The following NHSL1 variants were observed in gnomAD, a reference collection of about 807,000 sequenced individuals.
NHSL1 encodes the protein NHS like 1, also known as NHS-like protein 1.
In NHSL1, 48 loss-of-function variants were observed where a neutral mutation model predicts 95.0. That is an observed-to-expected ratio of 0.51 (90% CI 0.40 to 0.64). NHSL1 has a LOEUF of 0.64. NHSL1 is among the 30% of genes least tolerant of loss of function. The pLI is 0.00. For synonymous variants in NHSL1, 783 were observed against 833.9 expected (o/e 0.94, Z 1.05); for missense variants, 1,971 against 2,077.7 (o/e 0.95, Z 1.00).
intron 1 of NHSL1, among the ~76,000 whole-genome samples, chr6:138,497,770 G>A (rs544310890): frequency 7.9e-5 from 12 of 152,204 alleles, no homozygotes; most frequent in African/African-American, 1.9e-4. Flanking sequence ...ACATGCTAGC[G>A]CTCATCTCAC....
intron 4 of NHSL1, among the ~76,000 whole-genome samples, chr6:138,446,516 A>G (rs1306403340): frequency 1.3e-5 from 2 of 152,218 alleles, no homozygotes; most frequent in Admixed American, 6.5e-5. Context: ...CATATTCTGA[A>G]AATTTTATAT....
intron 3 of NHSL1, among the ~76,000 whole-genome samples, chr6:138,448,769 T>G (rs1345299625): frequency 6.6e-6 from 1 of 152,196 alleles, no homozygotes; most frequent in Non-Finnish European, 1.5e-5. Flanking sequence ...TTAGAAATTT[T>G]AGGCCAGGCA....
intron 1 of NHSL1, among the ~76,000 whole-genome samples, chr6:138,544,137 T>G (rs1782691289): frequency 6.6e-6 from 1 of 152,194 alleles, no homozygotes; most frequent in Non-Finnish European, 1.5e-5. Flanking sequence ...ATTGTAAACC[T>G]TAAGCTATCA....
At chr6:138,457,223 T>C (rs6926204) in intron 3 of NHSL1, among the ~76,000 whole-genome samples, 20,693 of 152,232 alleles carry the variant, frequency 0.14, 1,436 homozygotes, top group Middle Eastern at 0.17. Context: ...CAGTATTTTT[T>C]TCAATGCATC....
At chr6:138,445,737 A>G (rs1179658762) in intron 4 of NHSL1, among the ~76,000 whole-genome samples, 1 of 152,238 alleles carries the variant, frequency 6.6e-6, no homozygotes, top group East Asian at 1.9e-4. Context: ...GCTTTCTAAC[A>G]GCAGTAGCCT....
chr6:138,560,154 T>C (rs569351178), intron 1 of NHSL1, among the ~76,000 whole-genome samples: 5 of 152,340 alleles, frequency 3.3e-5, no homozygotes, highest in African/African-American at 1.2e-4. Context: ...CCTTTATTAT[T>C]AGTTGGAGTT....
intron 1 of NHSL1, among the ~76,000 whole-genome samples, chr6:138,543,430 TG>T (rs1277722524): frequency 6.6e-6 from 1 of 152,140 alleles, no homozygotes; most frequent in African/African-American, 2.4e-5. Flanking sequence ...GACAAAAAGC[TG>T]AGCAGACCTG....
upstream of NHSL1, among the ~76,000 whole-genome samples, chr6:138,573,631 T>TAA (rs1310999011): frequency 6.6e-6 from 1 of 152,200 alleles, no homozygotes; most frequent in Non-Finnish European, 1.5e-5. Context: ...TTACACCATG[T>TAA]AAATAATGAC....
At chr6:138,562,394 C>G (rs926197182) in intron 1 of NHSL1, among the ~76,000 whole-genome samples, 4 of 152,126 alleles carry the variant, frequency 2.6e-5, no homozygotes, top group Admixed American at 1.3e-4. Context: ...TGCCTGTAAT[C>G]CCAGCACTTT....
intron 1 of NHSL1, among the ~76,000 whole-genome samples, chr6:138,554,621 G>A (rs1783129751): frequency 6.6e-6 from 1 of 152,164 alleles, no homozygotes; most frequent in East Asian, 1.9e-4. Flanking sequence ...TAAATGTCCA[G>A]GCTTCTGGTA....
intron 3 of NHSL1, among the ~76,000 whole-genome samples, chr6:138,471,607 G>A (rs1011663783): frequency 6.6e-6 from 1 of 152,032 alleles, no homozygotes; most frequent in Non-Finnish European, 1.5e-5. Flanking sequence ...TGGGTGGGGA[G>A]GTAAGGAATA....
chr6:138,577,473 C>A, upstream of NHSL1, among the ~76,000 whole-genome samples: 1 of 152,190 alleles, frequency 6.6e-6, no homozygotes. Flanking sequence ...ATTGCAAGCG[C>A]CGCTGGGGTT....
chr6:138,500,017 T>C (rs1177610014), upstream of NHSL1, among the ~76,000 whole-genome samples: 2 of 152,076 alleles, frequency 1.3e-5, no homozygotes, highest in African/African-American at 4.8e-5. Flanking sequence ...TTGCCAGTGA[T>C]TGAGAATCAG....
intron 1 of NHSL1, among the ~76,000 whole-genome samples, chr6:138,580,629 A>AGAACTGGCTCCCATAGTCAGTAC (rs1784039108): frequency 6.6e-6 from 1 of 152,240 alleles, no homozygotes; most frequent in African/African-American, 2.4e-5. Flanking sequence ...CTTGAAATTA[A>AGAACTGGCTCCCATAGTCAGTAC]GAACTGGCTC....
chr6:138,436,291 T>G (rs182008746), intron 5 of NHSL1, among the ~76,000 whole-genome samples: 61 of 152,268 alleles, frequency 4.0e-4, no homozygotes, highest in Admixed American at 1.8e-3. Flanking sequence ...TTGAAGGAAA[T>G]GAAAAGTGCT....
intron 1 of NHSL1, among the ~76,000 whole-genome samples, chr6:138,520,241 C>T (rs1781621519): frequency 6.6e-6 from 1 of 151,336 alleles, no homozygotes; most frequent in African/African-American, 2.4e-5. Context: ...ACACAGTTCT[C>T]CCAACACTGA....
intron 1 of NHSL1, among the ~76,000 whole-genome samples, chr6:138,538,890 G>A (rs1027901944): frequency 6.6e-6 from 1 of 152,106 alleles, no homozygotes; most frequent in African/African-American, 2.4e-5. Flanking sequence ...GTTATAAGAA[G>A]ACATTCCAAA....
intron 1 of NHSL1, among the ~76,000 whole-genome samples, chr6:138,615,764 C>T (rs1455084083): frequency 6.6e-6 from 1 of 152,258 alleles, no homozygotes; most frequent in Non-Finnish European, 1.5e-5. Flanking sequence ...AGCCACAGCA[C>T]CTGTCCCAAA....
chr6:138,671,318 C>T (rs971059717), intron 1 of NHSL1, among the ~76,000 whole-genome samples: 3 of 148,100 alleles, frequency 2.0e-5, no homozygotes, highest in Non-Finnish European at 2.9e-5. Context: ...GGCATGATGA[C>T]GTGCGCCTGT....
Sources: allele counts gnomAD v4.1 joint callset (sites outside exome capture counted in the v4.1 genomes callset), GRCh38; gene constraint gnomAD v4.1.1; transcripts MANE v1.5; gene names NCBI Gene and HGNC (gene_info 2026-07-23, HGNC 2026-07-21).